The following TPRA1 variants were observed in gnomAD, a reference collection of about 807,000 sequenced individuals.
TPRA1 encodes the protein transmembrane protein adipocyte associated 1, also known as transmembrane protein adipocyte-associated 1.
A neutral mutation model predicts 40.1 loss-of-function variants in TPRA1; 28 were observed. The ratio of observed to expected loss-of-function variants is 0.70; its 90% confidence interval spans 0.52 to 0.96. The LOEUF (loss-of-function observed/expected upper bound fraction) is 0.96. TPRA1 is among the 40% of genes least tolerant of loss of function. The probability of loss-of-function intolerance (pLI) is 0.00; values close to 1 mark genes in which losing one functional copy is unlikely to be tolerated. For synonymous variants in TPRA1, 219 were observed against 209.7 expected, an observed-to-expected ratio of 1.04 and a Z score of -0.38; for missense variants, 441 against 482.6, an observed-to-expected ratio of 0.91 and a Z score of 0.81.
chr3:127,574,701 G>A (rs1466490807), intron 10 of TPRA1, among the ~76,000 whole-genome samples: 1 of 152,236 alleles, frequency 6.6e-6, no homozygotes, highest in Non-Finnish European at 1.5e-5. Flanking sequence ...ATAAAAACCA[G>A]CAATGTAGAA....
intron 1 of TPRA1, among the ~76,000 whole-genome samples, chr3:127,582,760 G>T (rs1354242661): frequency 2.6e-5 from 4 of 151,954 alleles, no homozygotes; most frequent in Non-Finnish European, 5.9e-5. Flanking sequence ...CAGCACTTTG[G>T]GAGGCTGAGG....
At chr3:127,593,053 C>T (rs2074204933), upstream of TPRA1, among the ~76,000 whole-genome samples, 1 of 152,198 alleles carries the variant, frequency 6.6e-6, no homozygotes, top group Non-Finnish European at 1.5e-5. Flanking sequence ...TTGGAGAATT[C>T]TGCATTTTCT....
chr3:127,598,214 C>G (rs2074267749), upstream of TPRA1: 10 of 587,200 alleles, frequency 1.7e-5, no homozygotes, highest in Admixed American at 1.2e-4. Context: ...CAGCTCCCAC[C>G]ACAGCGCAGG....
intron 10 of TPRA1, among the ~76,000 whole-genome samples, chr3:127,574,520 T>C (rs551946704): frequency 6.6e-6 from 1 of 152,308 alleles, no homozygotes; most frequent in African/African-American, 2.4e-5. Flanking sequence ...TCCAACTGAC[T>C]TCCCACCCCA....
chr3:127,574,476 A>C (rs376022931), intron 10 of TPRA1, among the ~76,000 whole-genome samples: 1 of 152,196 alleles, frequency 6.6e-6, no homozygotes, highest in Non-Finnish European at 1.5e-5. Context: ...CTGCAGATGC[A>C]CATGTGCACA....
chr3:127,588,087 CTGT>C (rs1363365557), intron 1 of TPRA1: 1 of 152,382 alleles, frequency 6.6e-6, no homozygotes, highest in Non-Finnish European at 1.5e-5. Context: ...GCAATCCAGG[CTGT>C]CTGTCTCCAG....
At chr3:127,592,161 T>C (rs2074183372), upstream of TPRA1, among the ~76,000 whole-genome samples, 1 of 152,108 alleles carries the variant, frequency 6.6e-6, no homozygotes, top group South Asian at 2.1e-4. Context: ...CAGAAAGTTA[T>C]ACACATCACT....
Position 127,576,879 on chromosome 3 carries a change from G to A in TPRA1, c.360C>T (p.Ile120=), listed in dbSNP as rs773646694. 6.2e-7 allele frequency: 1 copy of A among 1,613,872 alleles called. No homozygotes were observed. The highest frequency in any genetic ancestry group is 8.5e-7 in the Non-Finnish European group (1 of 1,180,012). The change falls in exon 5 of 11, where the codon ATC becomes ATT. Residue 120 remains isoleucine, a synonymous_variant. Transcript: ENST00000355552. The surrounding 1 kb of genome is among the most constrained non-coding windows in gnomAD (Gnocchi z 4.6). ...ATVADKILWE[I]TRFFLLAIEL... ...CGATGGCCAGCAGGAAGAAGCGGGT[G>A]ATCTCCCACAGGATCTGCACGCAGA... is the stretch of plus-strand genomic sequence containing the variant.
At chr3:127,595,252 C>T (rs1444210667), upstream of TPRA1, among the ~76,000 whole-genome samples, 1 of 152,190 alleles carries the variant, frequency 6.6e-6, no homozygotes, top group Non-Finnish European at 1.5e-5. Context: ...CCTACCCTGC[C>T]CCCAACCAGT....
At chr3:127,582,728 C>T (rs1210602498) in intron 1 of TPRA1, among the ~76,000 whole-genome samples, 2 of 148,816 alleles carry the variant, frequency 1.3e-5, no homozygotes, top group African/African-American at 5.0e-5. Flanking sequence ...AGGCTGGGCA[C>T]GGTGGCTCAC....
chr3:127,589,159 C>T (rs1259288995), intron 1 of TPRA1, among the ~76,000 whole-genome samples: 1 of 152,172 alleles, frequency 6.6e-6, no homozygotes. Context: ...GGGCCTCTGC[C>T]TCCCTCCCTC....
chr3:127,577,059 C>T lies in TPRA1; in HGVS notation c.276G>A (p.Leu92=), dbSNP rs113679923. 2.4e-3 allele frequency: 3,823 copies of T among 1,613,420 alleles called. 57 individuals carry two copies. The highest frequency in any genetic ancestry group is 0.023 in the African/African-American group (1,725 of 75,032). Residue 92 remains leucine, a synonymous_variant, in exon 4 of 11, where the codon CTG becomes CTA. Transcript: ENST00000355552. ...TFYILVFVVA[L]VGIARAVVSM... ...ATACCACGGCCCGGGCAATGCCCAC[C>T]AGCGCCACCACAAACACCTGGTGGG...
rs983611059 is a variant in TPRA1, at chr3:127,576,242, G to C, written c.499-192C>G. On this transcript the variant is annotated intron_variant, in intron 6 of 10. Coordinates refer to ENST00000355552, the MANE Select transcript of TPRA1 (RefSeq NM_001136053.4). The surrounding 1 kb of genome is among the most constrained non-coding windows in gnomAD (Gnocchi z 4.6). ...CCAACTGATTGCAGCATCCAGAGCC[G>C]GCCCAGTCTTGGGCTGAGTCACATG... 6.6e-6 allele frequency among the ~76,000 whole-genome samples: 1 copy of C among 152,144 alleles called. No individual in the cohort carries two copies. Among genetic ancestry groups the C allele is most frequent in the Admixed American group, 6.5e-5 (1 of 15,284 alleles).
rs536607113 is a variant in TPRA1, at chr3:127,586,979, G to A, written c.-18+3431C>T. ...GGTAAGAGCACCGTTTTCCTGAGGT[G>A]GAAACTCAGCTCCCAGACTCTAGAC... is the stretch of plus-strand genomic sequence containing the variant. On this transcript the variant is annotated intron_variant, in intron 1 of 10. Transcript: ENST00000355552. 7 of 152,296 alleles carry A rather than the reference G, an allele frequency of 4.6e-5. No homozygotes were observed. The East Asian group carries it at 9.6e-4, about 21-fold the overall frequency. 9.4% of individuals were successfully genotyped at this position (152,296 alleles called of 1,614,324 possible).
intron 1 of TPRA1, among the ~76,000 whole-genome samples, chr3:127,586,114 T>C (rs920230): frequency 0.19 from 29,070 of 152,100 alleles, 3,457 homozygotes; most frequent in South Asian, 0.31. Context: ...TGATGCCTCA[T>C]GGGGGGATCT....
chr3:127,581,673 GA>G (rs907130355), intron 1 of TPRA1, among the ~76,000 whole-genome samples: 1 of 151,944 alleles, frequency 6.6e-6, no homozygotes, highest in African/African-American at 2.4e-5. Flanking sequence ...AGCACTTTGG[GA>G]GGCCGAGGCG....
rs761894209 is a variant in TPRA1 at position 127,576,592 on chromosome 3, C to T, written c.498+25G>A. On this transcript the variant is annotated intron_variant, in intron 6 of 10. Transcript: ENST00000355552. The surrounding 1 kb of genome is among the most constrained non-coding windows in gnomAD (Gnocchi z 4.6). The stretch of plus-strand genomic sequence containing the variant: ...TGCCTGGTGCCCTGACTCCTAGCGT[C>T]CCCTGCCCACACTCACCCTCTTACC... 5.1e-6 allele frequency: 8 copies of T among 1,563,834 alleles called. No individual in the cohort carries two copies. In the African/African-American group the frequency reaches 8.1e-5, roughly 16 times the overall value.
intron 8 of TPRA1, 74 bp from the exon 9 acceptor site, chr3:127,575,579 C>T (rs2073582943): frequency 6.8e-7 from 1 of 1,471,326 alleles, no homozygotes; most frequent in Non-Finnish European, 9.1e-7. Context: ...ACCTACTACC[C>T]TCAAGCCTGG....
intron 3 of TPRA1, 63 bp downstream of exon 3, chr3:127,579,677 G>A: frequency 6.4e-7 from 1 of 1,569,574 alleles, no homozygotes; most frequent in South Asian, 1.1e-5. Flanking sequence ...TATAGAAGCA[G>A]TTAATTCCCT....
Sources: allele counts gnomAD v4.1 joint callset (sites outside exome capture counted in the v4.1 genomes callset), GRCh38; gene constraint gnomAD v4.1.1; non-coding constraint Gnocchi (gnomAD v3.1); transcripts MANE v1.5; gene names NCBI Gene and HGNC (gene_info 2026-07-23, HGNC 2026-07-21).